The following UGT1A7 variants were observed in gnomAD, a reference collection of about 807,000 sequenced individuals.
The protein encoded by UGT1A7 is UDP glucuronosyltransferase family 1 member A7, also known as UDP-glucuronosyltransferase 1A7.
In UGT1A7, 33 loss-of-function variants were observed where a neutral mutation model predicts 45.6. The ratio of observed to expected loss-of-function variants is 0.72; its 90% confidence interval spans 0.55 to 0.97. UGT1A7 has a LOEUF of 0.97. Ranked by LOEUF, UGT1A7 falls within the 50% of genes least tolerant of loss-of-function variation. The probability of loss-of-function intolerance (pLI) is 0.00; values close to 1 mark genes in which losing one functional copy is unlikely to be tolerated. For synonymous variants in UGT1A7, 274 were observed against 250.6 expected, an observed-to-expected ratio of 1.09 and a Z score of -0.88; for missense variants, 684 against 666.2, an observed-to-expected ratio of 1.03 and a Z score of -0.29.
chr2:233,703,454 C>T (rs1254325924), intron 1 of UGT1A7, among the ~76,000 whole-genome samples: 1 of 151,444 alleles, frequency 6.6e-6, no homozygotes, highest in Non-Finnish European at 1.5e-5. Flanking sequence ...GTTAATTTCC[C>T]CTCTATTCTT....
chr2:233,736,836 A>T (rs1170480165), intron 1 of UGT1A7, among the ~76,000 whole-genome samples: 1 of 152,200 alleles, frequency 6.6e-6, no homozygotes, highest in Admixed American at 6.5e-5. Context: ...TTGCTTTGGT[A>T]TCACCAGTGG....
intron 1 of UGT1A7, chr2:233,719,355 G>GAT (rs1195086069): frequency 6.2e-7 from 1 of 1,613,794 alleles, no homozygotes; most frequent in Non-Finnish European, 8.5e-7. Context: ...CATTCCATGT[G>GAT]ACTTAGACTT....
At chr2:233,754,990 G>A (rs1695677105) in intron 1 of UGT1A7, 1 of 1,294,272 alleles carries the variant, frequency 7.7e-7, no homozygotes, top group Non-Finnish European at 1.0e-6. Context: ...GCGGGGTCAC[G>A]GAAGCTGAAG....
chr2:233,742,425 T>G (rs62191917), intron 1 of UGT1A7, among the ~76,000 whole-genome samples: 10,459 of 152,056 alleles, frequency 0.069, 566 homozygotes, highest in East Asian at 0.2. Context: ...CTTAAGCGGT[T>G]TTCCTCCCTG....
At chr2:233,744,111 T>C in intron 1 of UGT1A7, 1 of 390,020 alleles carries the variant, frequency 2.6e-6, no homozygotes, top group Non-Finnish European at 4.7e-6. Context: ...CTGGCCCTGC[T>C]CTCTGTGAGG....
intron 1 of UGT1A7, among the ~76,000 whole-genome samples, chr2:233,733,498 T>C (rs1311327798): frequency 2.0e-5 from 3 of 152,236 alleles, no homozygotes; most frequent in Non-Finnish European, 4.4e-5. Context: ...ACCTAGTTTA[T>C]TGCCAGTTTT....
intron 1 of UGT1A7, among the ~76,000 whole-genome samples, chr2:233,740,241 T>A (rs774118650): frequency 4.0e-5 from 6 of 151,874 alleles, no homozygotes; most frequent in Non-Finnish European, 7.3e-5. Flanking sequence ...AGGCTGAGAA[T>A]AGACTAATAC....
intron 1 of UGT1A7, among the ~76,000 whole-genome samples, chr2:233,707,191 C>T (rs976926305): frequency 6.3e-4 from 96 of 152,212 alleles, no homozygotes; most frequent in African/African-American, 2.1e-3. Flanking sequence ...GCCTGCCCTC[C>T]GTTCTATTCC....
At chr2:233,748,943 C>G (rs1694067259) in intron 1 of UGT1A7, among the ~76,000 whole-genome samples, 1 of 151,688 alleles carries the variant, frequency 6.6e-6, no homozygotes, top group Admixed American at 6.6e-5. Flanking sequence ...CAAACCCACC[C>G]TATCCCACTC....
intron 1 of UGT1A7, among the ~76,000 whole-genome samples, chr2:233,702,394 T>C (rs767929704): frequency 7.2e-5 from 11 of 152,332 alleles, no homozygotes; most frequent in Non-Finnish European, 1.5e-4. Context: ...TTCCAGATCA[T>C]GTTATCTACA....
intron 1 of UGT1A7, among the ~76,000 whole-genome samples, chr2:233,736,379 C>T (rs2078756345): frequency 6.6e-6 from 1 of 152,164 alleles, no homozygotes; most frequent in African/African-American, 2.4e-5. Context: ...TTAAGGTCTT[C>T]TCTACAGTGT....
Position 233,699,006 on chromosome 2 carries a change from C to G in UGT1A7, c.855+16214C>G, listed in dbSNP as rs35189350. On this transcript the variant is annotated intron_variant, in intron 1 of 4. Transcript: ENST00000373426. ...CAGGTGGTGATTCCTGCTGTAAGAACATGAGAGGCTGAGCCACCAGGCAGT... is the reference window on the plus strand; with the variant it reads ...CAGGTGGTGATTCCTGCTGTAAGAAGATGAGAGGCTGAGCCACCAGGCAGT... 5.9e-3 allele frequency among the ~76,000 whole-genome samples: 904 copies of G among 152,336 alleles called. 8 individuals carry two copies. The highest frequency in any genetic ancestry group is 0.014 in the Middle Eastern group (4 of 294).
At chr2:233,747,962 C>A (rs780665543) in intron 1 of UGT1A7, 1 of 1,613,470 alleles carries the variant, frequency 6.2e-7, no homozygotes, top group Middle Eastern at 1.7e-4. Flanking sequence ...ATCTTCTCAG[C>A]CATGCATCTG....
intron 1 of UGT1A7, among the ~76,000 whole-genome samples, chr2:233,714,659 C>A (rs2076403929): frequency 6.6e-6 from 1 of 152,156 alleles, no homozygotes; most frequent in Admixed American, 6.5e-5. Flanking sequence ...TTTTATTTAA[C>A]CAGATGTATC....
At chr2:233,728,043 T>A (rs116287140) in intron 1 of UGT1A7, among the ~76,000 whole-genome samples, 14 of 152,218 alleles carry the variant, frequency 9.2e-5, no homozygotes, top group African/African-American at 3.1e-4. Context: ...AGGATAAGCC[T>A]CATTGGGCTT....
Position 233,768,377 on chromosome 2 carries a change from T to A in UGT1A7, c.1233T>A (p.Asn411Lys), listed in dbSNP as rs763012065. The change falls in exon 4 of 5, where the codon AAT (asparagine) becomes AAA (lysine). Residue 411 changes from asparagine (N) to lysine (K), a missense_variant. Asn to Lys is a moderately conservative substitution (Grantham distance 94). Transcript: ENST00000373426. The part of the protein sequence containing the change: ...METKGAGVTL[N>K]VLEMTSEDLE... ...CTAAGGGAGCTGGAGTGACCCTGAA[T>A]GTTCTGGAAATGACTTCTGAAGATT... 1 of 1,614,172 alleles carries A rather than the reference T, an allele frequency of 6.2e-7. No individual in the cohort carries two copies. The highest frequency in any genetic ancestry group is 8.5e-7 in the Non-Finnish European group (1 of 1,180,050).
chr2:233,756,838 A>G (rs967837640), intron 1 of UGT1A7, among the ~76,000 whole-genome samples: 1 of 152,148 alleles, frequency 6.6e-6, no homozygotes, highest in African/African-American at 2.4e-5. Context: ...ATGATTAACC[A>G]AAGAACATTC....
At chr2:233,756,789 G>A (rs1696325268) in intron 1 of UGT1A7, among the ~76,000 whole-genome samples, 1 of 151,900 alleles carries the variant, frequency 6.6e-6, no homozygotes, top group Admixed American at 6.6e-5. Context: ...AAATTGTGGG[G>A]CAATACACTA....
chr2:233,761,943 G>A (rs542276464), intron 1 of UGT1A7, among the ~76,000 whole-genome samples: 197 of 152,320 alleles, frequency 1.3e-3, no homozygotes, highest in Non-Finnish European at 2.4e-3. Context: ...CAGGTGCTGC[G>A]TCTGGCTCCC....
Sources: gnomAD v4.1 joint callset for allele counts (sites outside exome capture counted in the v4.1 genomes callset) on GRCh38, gnomAD v4.1.1 for gene constraint, MANE v1.5 for transcripts, NCBI Gene and HGNC (gene_info 2026-07-23, HGNC 2026-07-21) for gene names.